KCNAB1: variants seen among roughly 807,000 people sequenced by gnomAD.
KCNAB1 encodes voltage-gated potassium channel subunit beta-1.
In KCNAB1, 35 loss-of-function variants were observed where a neutral mutation model predicts 64.6. The observed-to-expected ratio is 0.54, with a 90% CI of 0.41 to 0.72. The LOEUF is 0.72. KCNAB1 is among the 30% of genes least tolerant of loss of function. The pLI is 0.00. For missense variants in KCNAB1, 401 were observed against 512.9 expected, an observed-to-expected ratio of 0.78 and a Z score of 2.11; for synonymous variants, 177 against 183.8, an observed-to-expected ratio of 0.96 and a Z score of 0.30.
At chr3:156,204,765 G>A (rs576181458) in intron 1 of KCNAB1, among the ~76,000 whole-genome samples, 35 of 152,176 alleles carry the variant, frequency 2.3e-4, no homozygotes, top group Non-Finnish European at 4.3e-4. Context: ...CCCAGGAGCC[G>A]GAGGTTGCAA....
chr3:156,400,545 T>A (rs767551740), intron 1 of KCNAB1, among the ~76,000 whole-genome samples: 2 of 152,196 alleles, frequency 1.3e-5, no homozygotes, highest in Non-Finnish European at 2.9e-5. Flanking sequence ...TTCCATCACC[T>A]ACAGATTACA....
intron 1 of KCNAB1, among the ~76,000 whole-genome samples, chr3:156,156,716 C>T (rs1228207042): frequency 6.6e-6 from 1 of 152,142 alleles, no homozygotes; most frequent in East Asian, 1.9e-4. Context: ...AGAGTAGGAA[C>T]TTACTTTTTA....
chr3:156,330,545 G>A (rs774014615), intron 1 of KCNAB1, among the ~76,000 whole-genome samples: 8 of 152,206 alleles, frequency 5.3e-5, no homozygotes, highest in South Asian at 2.1e-4. Context: ...TTCTTCTGAC[G>A]TTTTCACCTT....
chr3:156,484,072 GT>G (rs988812595), intron 8 of KCNAB1, among the ~76,000 whole-genome samples: 4 of 152,182 alleles, frequency 2.6e-5, no homozygotes, highest in Middle Eastern at 3.4e-3. Context: ...TAAAGTCCTG[GT>G]TTGAAGGGAA....
At position 156,309,495 on chromosome 3, in the gene KCNAB1, C is replaced by T. The variant is rs1576706509; in HGVS notation, c.276-112121C>T. ...GTTTTTATCTGTTGTGTGCATAGCA[C>T]CATGATAGGGTTTCTGCATAAAGCA... On this transcript the variant is annotated intron_variant, in intron 1 of 13. Coordinates refer to ENST00000490337, the MANE Select transcript of KCNAB1 (RefSeq NM_172160.3). Among the ~76,000 whole-genome samples the T allele has an allele frequency of 2.0e-5, 3 of 152,294 alleles. No homozygotes were observed. The East Asian group carries it at 5.8e-4, about 29-fold the overall frequency.
intron 1 of KCNAB1, among the ~76,000 whole-genome samples, chr3:156,372,454 T>G (rs1726372568): frequency 6.6e-6 from 1 of 152,232 alleles, no homozygotes; most frequent in South Asian, 2.1e-4. Context: ...TAAGACAGAT[T>G]GCTGGGCCCC....
In KCNAB1 at chr3:156,531,516, T is replaced by A; in HGVS notation, c.1170+19T>A. 2 of 1,561,968 alleles carry A rather than the reference T, an allele frequency of 1.3e-6. No individual in the cohort carries two copies. The highest frequency in any genetic ancestry group is 8.8e-7 in the Non-Finnish European group (1 of 1,132,430). On this transcript the variant is annotated intron_variant, in intron 13 of 13. Transcript: ENST00000490337. ...CATTCAGGCAAGTACTGCAGCCCCTTCCAACATCAGGGAATTTAATGGTGC... is the reference window on the plus strand; with the variant it reads ...CATTCAGGCAAGTACTGCAGCCCCTACCAACATCAGGGAATTTAATGGTGC...
At chr3:156,365,206 C>T (rs1274143401) in intron 1 of KCNAB1, among the ~76,000 whole-genome samples, 1 of 152,174 alleles carries the variant, frequency 6.6e-6, no homozygotes, top group Admixed American at 6.5e-5. Flanking sequence ...TAACCCCAGT[C>T]AATTTGCTTG....
At chr3:156,153,518 T>G (rs1715537682) in intron 1 of KCNAB1, among the ~76,000 whole-genome samples, 1 of 152,224 alleles carries the variant, frequency 6.6e-6, no homozygotes, top group Non-Finnish European at 1.5e-5. Context: ...CAAACACTAT[T>G]CTGTGTGTGT....
intron 1 of KCNAB1, among the ~76,000 whole-genome samples, chr3:156,340,910 G>A (rs980153465): frequency 1.3e-5 from 2 of 152,100 alleles, no homozygotes; most frequent in Non-Finnish European, 2.9e-5. Flanking sequence ...CTTCCTCAAA[G>A]TATTAGACTC....
intron 1 of KCNAB1, among the ~76,000 whole-genome samples, chr3:156,406,511 G>A (rs1400180625): frequency 1.3e-5 from 2 of 152,106 alleles, no homozygotes; most frequent in East Asian, 3.9e-4. Context: ...GGGGGATTTT[G>A]GAGCTGGATC....
chr3:156,209,460 A>G (rs1308260519), intron 1 of KCNAB1, among the ~76,000 whole-genome samples: 5 of 152,270 alleles, frequency 3.3e-5, no homozygotes, highest in Non-Finnish European at 7.3e-5. Flanking sequence ...ACTCACGTCA[A>G]TGAACTTTAG....
At chr3:156,421,513 G>A in intron 1 of KCNAB1, 103 bp from the exon 2 acceptor site, 1 of 1,110,354 alleles carries the variant, frequency 9.0e-7, no homozygotes, top group Non-Finnish European at 1.3e-6. Context: ...CCTCTATCAG[G>A]ACTCATCAAG....
chr3:156,291,577 C>T (rs1457296456), intron 1 of KCNAB1: 2 of 1,216,174 alleles, frequency 1.6e-6, no homozygotes, highest in African/African-American at 3.1e-5. Context: ...TAAAAACCTC[C>T]CCCACTGCAT....
At chr3:156,440,138 C>A (rs112641128) in intron 2 of KCNAB1, among the ~76,000 whole-genome samples, 18 of 152,204 alleles carry the variant, frequency 1.2e-4, no homozygotes, top group African/African-American at 4.1e-4. Flanking sequence ...TTTGTATAGT[C>A]TCTGGGGATA....
rs1719132600 is a variant in KCNAB1, at chr3:156,537,391, T to TTTA, written c.*648_*650dup. ...AAAACAAAAATTTCTAGGTATTTGC[T>TTTA]TTATTACCTTTCAAATATTTACTGT... On this transcript the variant is annotated 3_prime_UTR_variant, in exon 14 of 14. Coordinates refer to ENST00000490337, the MANE Select transcript of KCNAB1 (RefSeq NM_172160.3). 1 of 206,302 alleles carries TTTA rather than the reference T, an allele frequency of 4.8e-6. No homozygotes were observed. The highest frequency in any genetic ancestry group is 5.9e-5 in the Admixed American group (1 of 16,976). 12.8% of individuals were successfully genotyped at this position (206,302 alleles called of 1,614,324 possible). A position where few individuals can be genotyped will look rare whatever the true frequency, so the allele number is the denominator to read the frequency against.
At chr3:156,509,632 A>C (rs938219213) in intron 8 of KCNAB1, among the ~76,000 whole-genome samples, 1 of 152,268 alleles carries the variant, frequency 6.6e-6, no homozygotes, top group African/African-American at 2.4e-5. Context: ...GGAGTTGAGA[A>C]CCACTGGGAT....
intron 11 of KCNAB1, among the ~76,000 whole-genome samples, chr3:156,523,470 C>CTT (rs34386084): frequency 2.0e-5 from 3 of 149,824 alleles, no homozygotes; most frequent in Admixed American, 6.7e-5. Context: ...TGTAAATGTA[C>CTT]TTTTTTTTTT....
chr3:156,399,267 C>A (rs1433857770), intron 1 of KCNAB1, among the ~76,000 whole-genome samples: 1 of 152,076 alleles, frequency 6.6e-6, no homozygotes, highest in Non-Finnish European at 1.5e-5. Context: ...GAAAGGCCAC[C>A]CACAAAAATT....
Sources: gnomAD v4.1 joint callset for allele counts (sites outside exome capture counted in the v4.1 genomes callset) on GRCh38, gnomAD v4.1.1 for gene constraint, MANE v1.5 for transcripts, NCBI Gene and HGNC (gene_info 2026-07-23, HGNC 2026-07-21) for gene names.